Variants in IL17RD observed in about 807,000 individuals in gnomAD.
IL17RD encodes the protein interleukin-17 receptor D.
Under a neutral mutation model 80.5 loss-of-function variants are expected in IL17RD, and 52 were observed. The observed-to-expected ratio is 0.65, with a 90% confidence interval of 0.52 to 0.81. The LOEUF (loss-of-function observed/expected upper bound fraction) is 0.81. Among genes scored for constraint, IL17RD ranks in the 40% least tolerant of loss-of-function variants. IL17RD has a pLI of 0.00. For synonymous variants in IL17RD, 416 were observed against 391.8 expected (o/e 1.06, Z -0.73); for missense variants, 1,024 against 955.1 (o/e 1.07, Z -0.95).
intron 11 of IL17RD, 40 bp from the exon 12 acceptor site, chr3:57,098,578 C>A: frequency 7.3e-7 from 1 of 1,373,118 alleles, no homozygotes; most frequent in South Asian, 1.4e-5. Context: ...ACAGAAGGCT[C>A]GGGAAGAGGC....
rs1021786510 is a variant in IL17RD at position 57,091,668 on chromosome 3, T to C, written c.*4725A>G. 6.6e-6 allele frequency: 1 copy of C among 152,612 alleles called. No individual in the cohort carries two copies. The highest frequency in any genetic ancestry group is 2.4e-5 in the African/African-American group (1 of 41,454). 9.5% of individuals were successfully genotyped at this position (152,612 alleles called of 1,614,324 possible). On this transcript the variant is annotated 3_prime_UTR_variant, in exon 13 of 13. Coordinates refer to ENST00000296318, the MANE Select transcript of IL17RD (RefSeq NM_017563.5). ...CAGGGGGATGACTTCACTGTGGTTT[T>C]TGAATACATGGAAGGTGACCAGCTG...
intron 11 of IL17RD, among the ~76,000 whole-genome samples, 178 bp downstream of exon 11, chr3:57,101,000 TG>T (rs1297715229): frequency 2.0e-5 from 3 of 152,196 alleles, no homozygotes; most frequent in African/African-American, 7.2e-5. Context: ...TATTTAGTGC[TG>T]GTGATGGGTA....
At chr3:57,148,082 C>A (rs1707968919) in intron 1 of IL17RD, among the ~76,000 whole-genome samples, 1 of 10,132 alleles carries the variant, frequency 9.9e-5, no homozygotes, top group African/African-American at 3.5e-4. Flanking sequence ...TTTGGGAGGC[C>A]AAGGTTGGGG....
Position 57,109,454 on chromosome 3 carries a change from T to A in IL17RD, c.550+83A>T. On this transcript the variant is annotated intron_variant, in intron 5 of 12. Coordinates refer to ENST00000296318, the MANE Select transcript of IL17RD (RefSeq NM_017563.5). ...GCCACCGCGCCCGGCCTTGGCACGTTCTTGAACACATTTCTGTAGAAAAAT... is the reference window on the plus strand; with the variant it reads ...GCCACCGCGCCCGGCCTTGGCACGTACTTGAACACATTTCTGTAGAAAAAT... The A allele has an allele frequency of 3.6e-5, 54 of 1,518,334 alleles. No individual in the cohort carries two copies. The South Asian group carries it at 6.6e-4, about 19-fold the overall frequency. 94.1% of individuals were successfully genotyped at this position (1,518,334 alleles called of 1,614,324 possible).
intron 3 of IL17RD, among the ~76,000 whole-genome samples, chr3:57,111,181 T>C (rs891630013): frequency 1.3e-5 from 2 of 152,036 alleles, no homozygotes; most frequent in African/African-American, 4.8e-5. Context: ...TTTCAACCCT[T>C]CCCCTCCCAG....
At chr3:57,139,383 A>G (rs1251393975) in intron 1 of IL17RD, among the ~76,000 whole-genome samples, 1 of 152,202 alleles carries the variant, frequency 6.6e-6, no homozygotes, top group African/African-American at 2.4e-5. Context: ...AATGCTTTTT[A>G]AACTTTTTCC....
chr3:57,130,485 T>C (rs1049550574), intron 1 of IL17RD, among the ~76,000 whole-genome samples: 1 of 152,218 alleles, frequency 6.6e-6, no homozygotes, highest in African/African-American at 2.4e-5. Context: ...TCATTCTGAC[T>C]AGAATGTTCT....
chr3:57,100,265 T>C (rs1278195211), intron 11 of IL17RD, among the ~76,000 whole-genome samples: 3 of 152,204 alleles, frequency 2.0e-5, no homozygotes, highest in Non-Finnish European at 2.9e-5. Context: ...GAAACTAGGC[T>C]AGCGTAGTAT....
At position 57,092,921 on chromosome 3, in the gene IL17RD, CT is replaced by C. The variant is rs1261492598; in HGVS notation, c.*3471del. The stretch of plus-strand genomic sequence containing the variant: ...AAATCAGGTCCATCCATGTCTTCTG[CT>C]GGGTCTAAATTCACTTGAATTTTAA... On this transcript the variant is annotated 3_prime_UTR_variant, in exon 13 of 13. Transcript: ENST00000296318. 1 of 152,164 alleles carries C rather than the reference CT, an allele frequency of 6.6e-6. No individual in the cohort carries two copies. The highest frequency in any genetic ancestry group is 1.5e-5 in the Non-Finnish European group (1 of 68,038). 9.4% of individuals were successfully genotyped at this position (152,164 alleles called of 1,614,324 possible). A position where few individuals can be genotyped will look rare whatever the true frequency, so the allele number is the denominator to read the frequency against.
At chr3:57,105,552 A>AAAAAAAAAAAATATATATATATAT in intron 7 of IL17RD, among the ~76,000 whole-genome samples, 1 of 63,588 alleles carries the variant, frequency 1.6e-5, no homozygotes, top group African/African-American at 9.3e-5. Flanking sequence ...AAAAAAAAAA[A>AAAAAAAAAAAATATATATATATAT]ATATATATAT....
intron 1 of IL17RD, among the ~76,000 whole-genome samples, chr3:57,132,195 G>A (rs141723746): frequency 1.3e-4 from 20 of 151,004 alleles, no homozygotes; most frequent in African/African-American, 4.1e-4. Flanking sequence ...AAGAAGGGGC[G>A]GGCGCAGCGG....
At position 57,109,561 on chromosome 3, in the gene IL17RD, G is replaced by A; in HGVS notation, c.526C>T (p.His176Tyr). 1 of 1,613,662 alleles carries A rather than the reference G, an allele frequency of 6.2e-7. No individual in the cohort carries two copies. Among genetic ancestry groups the A allele is most frequent in the Non-Finnish European group, 8.5e-7 (1 of 1,179,680 alleles). Residue 176 changes from histidine to tyrosine, a missense_variant, in exon 5 of 13, where the codon CAC becomes TAC. Transcript: ENST00000296318. ...CCTCGGGTTCTAAAGAAGAAAGGGTGGTAATTGCTTTCGTTTTTAATGGAA... is the reference window on the plus strand; with the variant it reads ...CCTCGGGTTCTAAAGAAGAAAGGGTAGTAATTGCTTTCGTTTTTAATGGAA... ...FPSIKNESNY[H>Y]PFFFRTRACD...
At chr3:57,152,513 C>T (rs1233992106) in intron 1 of IL17RD, among the ~76,000 whole-genome samples, 1 of 152,208 alleles carries the variant, frequency 6.6e-6, no homozygotes, top group Non-Finnish European at 1.5e-5. Flanking sequence ...GGCCTGCCTG[C>T]GCCCTCGTAG....
At chr3:57,100,015 T>C (rs1706789598) in intron 11 of IL17RD, among the ~76,000 whole-genome samples, 1 of 152,236 alleles carries the variant, frequency 6.6e-6, no homozygotes, top group South Asian at 2.1e-4. Flanking sequence ...CTTTCTAAGA[T>C]TTTCCTTAAT....
At position 57,098,240 on chromosome 3, in the gene IL17RD, A is replaced by T; in HGVS notation, c.1463T>A (p.Val488Asp). The T allele has an allele frequency of 6.2e-7, 1 of 1,613,750 alleles. No individual in the cohort carries two copies. Among genetic ancestry groups the T allele is most frequent in the Non-Finnish European group, 8.5e-7 (1 of 1,179,836 alleles). Reference sequence around the variant, plus strand: ...GGTACTCAGGTCTAGGATACCGGGGACGTCTCCCTCGCAGGAATAATCAAA... The same window carrying T: ...GGTACTCAGGTCTAGGATACCGGGGTCGTCTCCCTCGCAGGAATAATCAAA... ...VYFDYSCEGD[V>D]PGILDLSTKY... Residue 488 changes from valine to aspartate, a missense_variant, in exon 12 of 13, where the codon GTC (valine) becomes GAC (aspartate). By Grantham distance (152) the Val-to-Asp change is radical. Transcript: ENST00000296318.
intron 2 of IL17RD, among the ~76,000 whole-genome samples, chr3:57,116,282 CTTTTTTT>C (rs66563028): frequency 9.7e-6 from 1 of 102,576 alleles, no homozygotes; most frequent in East Asian, 2.3e-4. Context: ...TTTTTCTTTT[CTTTTTTT>C]TTTTTTTTTT....
intron 7 of IL17RD, 103 bp downstream of exon 7, chr3:57,105,754 G>C (rs1271633895): frequency 1.5e-5 from 14 of 908,128 alleles, no homozygotes; most frequent in Non-Finnish European, 2.0e-5. Context: ...CAACCACTGA[G>C]AGCCAACAAA....
At chr3:57,155,451 A>C (rs1342954095) in intron 1 of IL17RD, among the ~76,000 whole-genome samples, 3 of 152,262 alleles carry the variant, frequency 2.0e-5, no homozygotes, top group Non-Finnish European at 1.5e-5. Context: ...CCTGGCTTGA[A>C]GCCCAGCCTC....
At chr3:57,118,454 T>C (rs1334496911) in intron 2 of IL17RD, among the ~76,000 whole-genome samples, 1 of 152,216 alleles carries the variant, frequency 6.6e-6, no homozygotes, top group Non-Finnish European at 1.5e-5. Flanking sequence ...CTAAGCCCTT[T>C]ACTTACATTG....
Sources: allele counts gnomAD v4.1 joint callset (sites outside exome capture counted in the v4.1 genomes callset), GRCh38; gene constraint gnomAD v4.1.1; transcripts MANE v1.5; gene names NCBI Gene and HGNC (gene_info 2026-07-23, HGNC 2026-07-21).